Variants in GABRB1 observed in about 807,000 individuals in gnomAD.
GABRB1 encodes gamma-aminobutyric acid type A receptor subunit beta1.
In GABRB1, 17 loss-of-function variants were observed where a neutral mutation model predicts 51.6. The ratio of observed to expected loss-of-function variants is 0.33; its 90% confidence interval spans 0.23 to 0.49. The LOEUF (loss-of-function observed/expected upper bound fraction) is 0.49. GABRB1 is among the 20% of genes least tolerant of loss of function. The probability of loss-of-function intolerance (pLI) is 0.99; values close to 1 mark genes in which losing one functional copy is unlikely to be tolerated. For missense variants in GABRB1, 410 were observed against 600.6 expected (o/e 0.68, Z 3.32); for synonymous variants, 247 against 218.9 (o/e 1.13, Z -1.14).
intron 8 of GABRB1, among the ~76,000 whole-genome samples, chr4:47,409,629 C>G (rs981297410): frequency 1.6e-4 from 24 of 152,190 alleles, no homozygotes; most frequent in African/African-American, 5.8e-4. Context: ...ATATTTGACA[C>G]TAAAACAGAA....
intron 3 of GABRB1, among the ~76,000 whole-genome samples, chr4:47,063,057 C>G (rs537636789): frequency 6.6e-6 from 1 of 152,274 alleles, no homozygotes; most frequent in African/African-American, 2.4e-5. Context: ...ATGGCTTTCT[C>G]TCTTAAAATA....
intron 3 of GABRB1, among the ~76,000 whole-genome samples, chr4:47,043,528 GAA>G (rs1490531988): frequency 2.0e-5 from 3 of 152,146 alleles, no homozygotes; most frequent in South Asian, 2.1e-4. Flanking sequence ...TTAACTTGAT[GAA>G]TTATGTGTTT....
At chr4:47,350,761 G>A (rs185999292) in intron 5 of GABRB1, among the ~76,000 whole-genome samples, 223 of 151,902 alleles carry the variant, frequency 1.5e-3, no homozygotes, top group African/African-American at 5.1e-3. Flanking sequence ...CTGATGACAC[G>A]ATGCAAACAA....
At chr4:47,359,243 T>C (rs1726710579) in intron 5 of GABRB1, among the ~76,000 whole-genome samples, 1 of 152,160 alleles carries the variant, frequency 6.6e-6, no homozygotes, top group Non-Finnish European at 1.5e-5. Flanking sequence ...GACAGTATTA[T>C]GAGATCTGAA....
At chr4:47,255,396 A>G (rs1390397297) in intron 4 of GABRB1, among the ~76,000 whole-genome samples, 1 of 152,220 alleles carries the variant, frequency 6.6e-6, no homozygotes, top group Non-Finnish European at 1.5e-5. Context: ...TCCCCCATAA[A>G]GTTATCACAA....
At chr4:47,011,017 T>C (rs1724566050) in intron 1 of GABRB1, among the ~76,000 whole-genome samples, 1 of 152,142 alleles carries the variant, frequency 6.6e-6, no homozygotes, top group African/African-American at 2.4e-5. Context: ...GTAAAAATCT[T>C]AAAAGTGTTA....
chr4:47,426,428 C>CAAAAAAAAAAAAAAAAAAAAA (rs59682924), exon 9 of GABRB1: 1 of 84,826 alleles, frequency 1.2e-5, no homozygotes, highest in Non-Finnish European at 2.6e-5. Flanking sequence ...CTTATGCTGC[C>CAAAAAAAAAAAAAAAAAAAAA]AAAAAAAAAA....
chr4:47,234,909 A>G (rs1172353903), intron 4 of GABRB1, among the ~76,000 whole-genome samples: 2 of 152,236 alleles, frequency 1.3e-5, no homozygotes, highest in East Asian at 3.8e-4. Context: ...TTTGCTGCCA[A>G]AAATAAGATG....
intron 4 of GABRB1, among the ~76,000 whole-genome samples, chr4:47,271,618 T>C (rs1376437226): frequency 1.3e-5 from 2 of 152,186 alleles, no homozygotes; most frequent in Non-Finnish European, 1.5e-5. Flanking sequence ...CAGCCTTCTT[T>C]GTGCAGAAGG....
chr4:47,259,951 A>G (rs528629051), intron 4 of GABRB1, among the ~76,000 whole-genome samples: 6 of 152,056 alleles, frequency 3.9e-5, no homozygotes, highest in South Asian at 4.2e-4. Flanking sequence ...TTATTATTAT[A>G]TGGGAGTCTA....
intron 3 of GABRB1, among the ~76,000 whole-genome samples, chr4:47,074,362 T>C (rs1211504196): frequency 6.6e-6 from 1 of 152,188 alleles, no homozygotes; most frequent in African/African-American, 2.4e-5. Flanking sequence ...TCCTTCCTGG[T>C]AACATGTAAG....
At chr4:47,022,837 A>G (rs1724965714) in intron 1 of GABRB1, among the ~76,000 whole-genome samples, 1 of 152,152 alleles carries the variant, frequency 6.6e-6, no homozygotes, top group Non-Finnish European at 1.5e-5. Flanking sequence ...TATCCAAAAG[A>G]AAGAAAATCA....
intron 4 of GABRB1, among the ~76,000 whole-genome samples, chr4:47,292,443 T>A (rs1369802971): frequency 1.3e-5 from 2 of 152,206 alleles, no homozygotes; most frequent in Non-Finnish European, 2.9e-5. Flanking sequence ...AAATTATAAT[T>A]GAAAATACTT....
chr4:47,285,092 T>C (rs1723457878), intron 4 of GABRB1, among the ~76,000 whole-genome samples: 1 of 152,214 alleles, frequency 6.6e-6, no homozygotes, highest in South Asian at 2.1e-4. Flanking sequence ...GCCTAGATTC[T>C]GAAATAAAGG....
Position 47,031,749 on chromosome 4 carries a change from AATCTC to A in GABRB1, c.80+19_80+23del. On this transcript the variant is annotated intron_variant, in intron 1 of 8. Transcript: ENST00000295454. ...GCACACAGGTGAGCTGCTGTTGTTGAATCTCGCTCTCTCTCTCTCTCTCTCTTTTT... is the reference window on the plus strand; with the variant it reads ...GCACACAGGTGAGCTGCTGTTGTTGAGCTCTCTCTCTCTCTCTCTCTTTTT... 1 of 1,550,408 alleles carries A rather than the reference AATCTC, an allele frequency of 6.4e-7. No homozygotes were observed. Among genetic ancestry groups the A allele is most frequent in the Non-Finnish European group, 8.8e-7 (1 of 1,139,078 alleles).
At chr4:47,156,833 T>A (rs1025873976) in intron 3 of GABRB1, among the ~76,000 whole-genome samples, 2 of 151,908 alleles carry the variant, frequency 1.3e-5, no homozygotes, top group Middle Eastern at 3.2e-3. Flanking sequence ...GCAGACATGG[T>A]GGTGAACACC....
At chr4:47,275,742 G>C (rs568061457) in intron 4 of GABRB1, among the ~76,000 whole-genome samples, 2 of 152,136 alleles carry the variant, frequency 1.3e-5, no homozygotes, top group Non-Finnish European at 2.9e-5. Flanking sequence ...ATTCACATTT[G>C]CCAGCCTCCC....
chr4:47,328,497 G>A (rs533185221), intron 5 of GABRB1, among the ~76,000 whole-genome samples: 4 of 152,210 alleles, frequency 2.6e-5, no homozygotes, highest in South Asian at 2.1e-4. Context: ...ATTCATAATA[G>A]CAAAGACTTG....
intron 4 of GABRB1, among the ~76,000 whole-genome samples, chr4:47,164,137 G>A (rs561768615): frequency 3.9e-5 from 6 of 151,986 alleles, no homozygotes; most frequent in Admixed American, 6.6e-5. Flanking sequence ...CCTATGATCC[G>A]ATTACCTCCC....
Sources: gnomAD v4.1 joint callset for allele counts (sites outside exome capture counted in the v4.1 genomes callset) on GRCh38, gnomAD v4.1.1 for gene constraint, MANE v1.5 for transcripts, NCBI Gene and HGNC (gene_info 2026-07-23, HGNC 2026-07-21) for gene names.